DOK6: variants seen among roughly 807,000 people sequenced by gnomAD.
The protein encoded by DOK6 is docking protein 6, also known as downstream of tyrosine kinase 6.
Under a neutral mutation model 44.0 loss-of-function variants are expected in DOK6, and 22 were observed. The observed-to-expected ratio is 0.50, with a 90% CI of 0.36 to 0.71. The LOEUF is 0.71. DOK6 is among the 30% of genes least tolerant of loss of function. The probability of loss-of-function intolerance (pLI) is 0.00; values close to 1 mark genes in which losing one functional copy is unlikely to be tolerated. For missense variants in DOK6, 340 were observed against 416.4 expected (o/e 0.82, Z 1.60); for synonymous variants, 166 against 145.5 (o/e 1.14, Z -1.01).
intron 3 of DOK6, among the ~76,000 whole-genome samples, chr18:69,604,581 T>A (rs1364769319): frequency 1.1e-4 from 16 of 152,196 alleles, no homozygotes; most frequent in Non-Finnish European, 2.4e-4. Context: ...TAGATCTAAG[T>A]CTGCTTGAAG....
At chr18:69,794,327 A>G (rs1190573668) in intron 7 of DOK6, among the ~76,000 whole-genome samples, 4 of 152,170 alleles carry the variant, frequency 2.6e-5, no homozygotes, top group African/African-American at 7.2e-5. Context: ...ACCCTGCCAG[A>G]GGTCTGCATT....
chr18:69,703,828 T>C (rs1180062591), intron 5 of DOK6, among the ~76,000 whole-genome samples: 1 of 152,246 alleles, frequency 6.6e-6, no homozygotes, highest in African/African-American at 2.4e-5. Flanking sequence ...TATATCTTTA[T>C]GACAAGAGCC....
intron 7 of DOK6, among the ~76,000 whole-genome samples, chr18:69,773,191 C>T (rs905076401): frequency 6.6e-6 from 1 of 151,686 alleles, no homozygotes; most frequent in Non-Finnish European, 1.5e-5. Context: ...AAACAAAAAA[C>T]AAAGTATTGA....
intron 3 of DOK6, among the ~76,000 whole-genome samples, chr18:69,635,280 T>TTC (rs1984779080): frequency 3.3e-5 from 5 of 152,274 alleles, no homozygotes; most frequent in African/African-American, 1.2e-4. Context: ...ATTTTTCTCT[T>TTC]TTTTTCTCCT....
At chr18:69,764,838 A>G (rs1402001248) in intron 7 of DOK6, among the ~76,000 whole-genome samples, 1 of 152,136 alleles carries the variant, frequency 6.6e-6, no homozygotes, top group East Asian at 1.9e-4. Flanking sequence ...TAAAGGTCGT[A>G]GCTTTAGGAG....
chr18:69,788,992 G>C (rs947146527), intron 7 of DOK6, among the ~76,000 whole-genome samples: 1 of 152,190 alleles, frequency 6.6e-6, no homozygotes, highest in East Asian at 1.9e-4. Flanking sequence ...CCAATAAACA[G>C]TTCCTTAAAA....
chr18:69,839,683 G>C lies in DOK6; in HGVS notation c.857-1561G>C, dbSNP rs116871568. 8.7e-3 allele frequency among the ~76,000 whole-genome samples: 1,324 copies of C among 152,322 alleles called. 21 individuals are homozygous for C. Among genetic ancestry groups the C allele is most frequent in the East Asian group, 0.075 (390 of 5,172 alleles). ...GAAGCATCACCACCCTCAGGCCTGC[G>C]GGCCAGGCGAGGAGGAGTGCGGGGC... is the stretch of plus-strand genomic sequence containing the variant. On this transcript the variant is annotated intron_variant, in intron 7 of 7. Coordinates refer to ENST00000382713, the MANE Select transcript of DOK6 (RefSeq NM_152721.6).
intron 1 of DOK6, among the ~76,000 whole-genome samples, chr18:69,530,472 T>G (rs896790270): frequency 6.6e-6 from 1 of 152,090 alleles, no homozygotes; most frequent in African/African-American, 2.4e-5. Flanking sequence ...CAGATATGCT[T>G]TCAGTGATTC....
intron 1 of DOK6, among the ~76,000 whole-genome samples, chr18:69,547,895 C>T (rs1306325223): frequency 6.8e-6 from 1 of 146,516 alleles, no homozygotes; most frequent in Non-Finnish European, 1.5e-5. Context: ...ATTTTTATGG[C>T]TAAATAATAT....
intron 3 of DOK6, among the ~76,000 whole-genome samples, chr18:69,673,730 A>G (rs72963438): frequency 0.031 from 4,697 of 152,332 alleles, 126 homozygotes; most frequent in African/African-American, 0.069. Flanking sequence ...TAATGAAAAC[A>G]TTATTTGTGT....
chr18:69,753,025 T>C lies in DOK6; in HGVS notation c.739-4731T>C, dbSNP rs144690557. 1.3e-3 allele frequency among the ~76,000 whole-genome samples: 203 copies of C among 152,258 alleles called. 1 individual carries two copies. Among genetic ancestry groups the C allele is most frequent in the African/African-American group, 4.8e-3 (198 of 41,556 alleles). On this transcript the variant is annotated intron_variant, in intron 6 of 7. Transcript: ENST00000382713. ...CTGGAGGCTGTTTGCTGTACAAACA[T>C]ACTTGAAAAGATAGTAACAAAAGTG... is the stretch of plus-strand genomic sequence containing the variant.
intron 7 of DOK6, among the ~76,000 whole-genome samples, chr18:69,789,774 CA>C (rs1980537745): frequency 6.6e-6 from 1 of 152,068 alleles, no homozygotes; most frequent in Non-Finnish European, 1.5e-5. Flanking sequence ...ATTAAGATAC[CA>C]GCTAGAACTA....
chr18:69,527,890 C>T (rs1481437531), intron 1 of DOK6, among the ~76,000 whole-genome samples: 22 of 151,986 alleles, frequency 1.4e-4, no homozygotes, highest in South Asian at 8.3e-4. Flanking sequence ...TGGCCGGGTG[C>T]GGTGGCTCAC....
chr18:69,574,707 C>T (rs1983197254), intron 2 of DOK6, among the ~76,000 whole-genome samples: 1 of 151,930 alleles, frequency 6.6e-6, no homozygotes, highest in Non-Finnish European at 1.5e-5. Flanking sequence ...GTATAAATAC[C>T]TTACTATGAG....
intron 1 of DOK6, among the ~76,000 whole-genome samples, chr18:69,435,171 A>G (rs1442964683): frequency 6.6e-6 from 1 of 152,180 alleles, no homozygotes; most frequent in African/African-American, 2.4e-5. Flanking sequence ...CCTGCTCCAC[A>G]GTTGAGCTCT....
At chr18:69,757,361 T>C (rs1422369929) in intron 6 of DOK6, among the ~76,000 whole-genome samples, 20 of 152,212 alleles carry the variant, frequency 1.3e-4, no homozygotes, top group African/African-American at 4.8e-4. Flanking sequence ...CACCTTTACT[T>C]TTTTAGTTAT....
chr18:69,678,120 G>T (rs1245497851), intron 4 of DOK6, among the ~76,000 whole-genome samples: 1 of 152,148 alleles, frequency 6.6e-6, no homozygotes, highest in South Asian at 2.1e-4. Context: ...GTGGTGGCCC[G>T]CACCTGTAGT....
At chr18:69,446,355 C>T (rs1979291564) in intron 1 of DOK6, among the ~76,000 whole-genome samples, 1 of 151,856 alleles carries the variant, frequency 6.6e-6, no homozygotes, top group Admixed American at 6.6e-5. Context: ...TGGTTTCCAG[C>T]TTCATCCATG....
chr18:69,799,265 A>C (rs1980834869), intron 7 of DOK6, among the ~76,000 whole-genome samples: 2 of 152,072 alleles, frequency 1.3e-5, no homozygotes, highest in South Asian at 4.1e-4. Flanking sequence ...AAAATTAGAA[A>C]TTCCTATTCT....
Sources: gnomAD v4.1 joint callset for allele counts (sites outside exome capture counted in the v4.1 genomes callset) on GRCh38, gnomAD v4.1.1 for gene constraint, MANE v1.5 for transcripts, NCBI Gene and HGNC (gene_info 2026-07-23, HGNC 2026-07-21) for gene names.